The following RBM6 variants were observed in gnomAD, a reference collection of about 807,000 sequenced individuals.
RBM6 encodes the protein RNA binding motif protein 6.
RBM6 carries 23 observed loss-of-function variants against 140.4 expected under a neutral mutation model. That is an observed-to-expected ratio of 0.16 (90% confidence interval 0.12 to 0.23). The LOEUF is 0.23. Ranked by LOEUF, RBM6 falls within the 10% of genes least tolerant of loss-of-function variation. RBM6 has a pLI of 1.00. For synonymous variants in RBM6, 439 were observed against 475.6 expected, an observed-to-expected ratio of 0.92 and a Z score of 1.00; for missense variants, 1,139 against 1,386.7, an observed-to-expected ratio of 0.82 and a Z score of 2.84.
intron 5 of RBM6, among the ~76,000 whole-genome samples, chr3:49,989,317 G>A (rs187341582): frequency 1.3e-5 from 2 of 152,276 alleles, no homozygotes; most frequent in Admixed American, 1.3e-4. Context: ...GCTCATGCCT[G>A]TAATGCCAGC....
chr3:50,048,130 G>A (rs2089301744), intron 6 of RBM6, 115 bp from the exon 7 acceptor site: 2 of 1,488,584 alleles, frequency 1.3e-6, no homozygotes, highest in South Asian at 2.7e-5. Flanking sequence ...AGTGAATTAA[G>A]CTCACTCTTT....
intron 1 of RBM6, among the ~76,000 whole-genome samples, chr3:49,946,836 A>G (rs566663959): frequency 7.3e-6 from 1 of 136,728 alleles, no homozygotes; most frequent in East Asian, 2.1e-4. Flanking sequence ...CACCCGGCCT[A>G]TTTTCTGTTT....
intron 6 of RBM6, among the ~76,000 whole-genome samples, chr3:50,040,431 G>C: frequency 8.5e-6 from 1 of 117,396 alleles, no homozygotes; most frequent in Non-Finnish European, 1.6e-5. Flanking sequence ...GGGTGACAGA[G>C]CAAGGCTCCT....
intron 1 of RBM6, among the ~76,000 whole-genome samples, chr3:49,942,505 A>C (rs1342896082): frequency 1.3e-5 from 2 of 151,830 alleles, no homozygotes; most frequent in Non-Finnish European, 2.9e-5. Flanking sequence ...TCAAAAAAAA[A>C]AAAAAAAAGT....
intron 1 of RBM6, chr3:49,941,117 A>C (rs149162211): frequency 1.3e-4 from 20 of 152,060 alleles, no homozygotes; most frequent in African/African-American, 4.8e-4. Context: ...GAGAAATGCC[A>C]CCAGCGTGAA....
chr3:50,037,982 C>T (rs530684153), intron 6 of RBM6, among the ~76,000 whole-genome samples: 8 of 151,900 alleles, frequency 5.3e-5, no homozygotes, highest in Admixed American at 1.3e-4. Context: ...CCACCATGCC[C>T]GGGTAATTTT....
At chr3:50,003,356 GT>G (rs1310761071) in intron 6 of RBM6, among the ~76,000 whole-genome samples, 1 of 146,440 alleles carries the variant, frequency 6.8e-6, no homozygotes, top group Non-Finnish European at 1.5e-5. Flanking sequence ...CTTTCCCCCA[GT>G]TTTACTTACA....
chr3:50,030,538 ATACT>A (rs2088097881), intron 6 of RBM6, among the ~76,000 whole-genome samples: 1 of 152,204 alleles, frequency 6.6e-6, no homozygotes, highest in Admixed American at 6.5e-5. Flanking sequence ...TTTAAGCAAA[ATACT>A]TCCTTCTGCC....
rs781546722 is a variant in RBM6 at position 50,066,522 on chromosome 3, T to C, written c.2943+20T>C. ...CACAAGGTATTAGGGGAAGGAGCTA[T>C]GCCCTTTCAAACTGTTGACTCTTGG... is the stretch of plus-strand genomic sequence containing the variant. On this transcript the variant is annotated intron_variant, in intron 17 of 20. Transcript: ENST00000266022. 1.4e-5 allele frequency: 23 copies of C among 1,605,512 alleles called. No individual in the cohort carries two copies. In the East Asian group the frequency reaches 4.0e-4, roughly 28 times the overall value.
intron 15 of RBM6, among the ~76,000 whole-genome samples, chr3:50,063,519 C>CT (rs2090014965): frequency 6.6e-6 from 1 of 151,354 alleles, no homozygotes; most frequent in Admixed American, 6.6e-5. Context: ...AAGAGGATCG[C>CT]TTGAGCCCAG....
At chr3:49,985,412 A>G (rs1018109411) in intron 5 of RBM6, among the ~76,000 whole-genome samples, 4 of 152,110 alleles carry the variant, frequency 2.6e-5, no homozygotes, top group Non-Finnish European at 2.9e-5. Flanking sequence ...CACTGTTTCT[A>G]GGTTACATTC....
At chr3:50,058,585 T>A (rs200337396) in intron 10 of RBM6, 23 bp downstream of exon 10, 2 of 1,578,716 alleles carry the variant, frequency 1.3e-6, no homozygotes, top group East Asian at 4.5e-5. Context: ...CACCTTGGAT[T>A]GGCCTAGAGA....
intron 6 of RBM6, among the ~76,000 whole-genome samples, chr3:50,011,866 T>TG (rs2086866867): frequency 2.1e-5 from 3 of 143,990 alleles, no homozygotes; most frequent in Non-Finnish European, 3.1e-5. Context: ...TTTCTTTTTT[T>TG]CTGGGACACA....
At chr3:49,984,619 TCGCA>T (rs2085470467) in intron 5 of RBM6, among the ~76,000 whole-genome samples, 7 of 38,330 alleles carry the variant, frequency 1.8e-4, no homozygotes, top group Admixed American at 1.3e-3. Context: ...TCACATCGCA[TCGCA>T]TCGCATCGCA....
chr3:50,005,192 G>C (rs1398352116), intron 6 of RBM6, among the ~76,000 whole-genome samples: 6 of 152,074 alleles, frequency 3.9e-5, no homozygotes, highest in African/African-American at 7.2e-5. Context: ...CTGTCCTTGT[G>C]ATTAAAATTA....
At chr3:50,020,488 A>G (rs2087421299) in intron 6 of RBM6, among the ~76,000 whole-genome samples, 1 of 152,162 alleles carries the variant, frequency 6.6e-6, no homozygotes, top group Non-Finnish European at 1.5e-5. Context: ...CTCTTTTAAT[A>G]TATGCATTCA....
intron 6 of RBM6, among the ~76,000 whole-genome samples, chr3:50,024,149 G>T (rs982208085): frequency 6.6e-6 from 1 of 152,116 alleles, no homozygotes; most frequent in Non-Finnish European, 1.5e-5. Flanking sequence ...AAAATTGCTA[G>T]GTTATCTAAA....
At chr3:50,046,604 A>AG (rs2089240547) in intron 6 of RBM6, among the ~76,000 whole-genome samples, 1 of 145,576 alleles carries the variant, frequency 6.9e-6, no homozygotes, top group Non-Finnish European at 1.5e-5. Context: ...AAAAAAAAGG[A>AG]GGGGGCGCTT....
intron 6 of RBM6, among the ~76,000 whole-genome samples, chr3:50,007,593 C>T (rs904730820): frequency 6.7e-6 from 1 of 149,636 alleles, no homozygotes; most frequent in Non-Finnish European, 1.5e-5. Context: ...AGTGCGGTGG[C>T]GTGATCTCGG....
Sources: gnomAD v4.1 joint callset for allele counts (sites outside exome capture counted in the v4.1 genomes callset) on GRCh38, gnomAD v4.1.1 for gene constraint, MANE v1.5 for transcripts, NCBI Gene and HGNC (gene_info 2026-07-23, HGNC 2026-07-21) for gene names.